The following STK3 variants were observed in gnomAD, a reference collection of about 807,000 sequenced individuals.
The protein encoded by STK3 is serine/threonine kinase 3.
A neutral mutation model predicts 58.0 loss-of-function variants in STK3; 41 were observed. The ratio of observed to expected loss-of-function variants is 0.71; its 90% confidence interval spans 0.55 to 0.92. STK3 has a LOEUF of 0.92. STK3 is among the 40% of genes least tolerant of loss of function. STK3 has a pLI of 0.00. For synonymous variants in STK3, 170 were observed against 191.0 expected (o/e 0.89, Z 0.91); for missense variants, 479 against 602.7 (o/e 0.79, Z 2.15).
rs369290750 is a variant in STK3 at position 98,860,229 on chromosome 8, G to T, written c.110+23418C>A. 4.3e-4 allele frequency among the ~76,000 whole-genome samples: 66 copies of T among 152,304 alleles called. 1 individual carries two copies. The Middle Eastern group carries it at 0.01, about 24-fold the overall frequency. On this transcript the variant is annotated intron_variant, in intron 3 of 12. Coordinates refer to the STK3 transcript ENST00000523601. ...AAAATAGATGTGATAACATGAAATA[G>T]ATAAGTGCTATGAAGAAAACAAAAC...
At chr8:98,359,578 G>A in the STK3 span, among the ~76,000 whole-genome samples, 1 of 151,802 alleles carries the variant, frequency 6.6e-6, no homozygotes, top group Non-Finnish European at 1.5e-5. Flanking sequence ...TTTCTTGAAT[G>A]CTTTCTACCA....
At chr8:98,621,083 C>T (rs559405590) in intron 6 of STK3, among the ~76,000 whole-genome samples, 6 of 152,248 alleles carry the variant, frequency 3.9e-5, no homozygotes, top group African/African-American at 1.4e-4. Flanking sequence ...GCGCCCGCCA[C>T]TACGCCCAGC....
chr8:98,885,474 T>C (rs1028123705), intron 1 of STK3, among the ~76,000 whole-genome samples: 2 of 152,158 alleles, frequency 1.3e-5, no homozygotes, highest in South Asian at 2.1e-4. Context: ...AGTTTCATTC[T>C]TGTTGCCCAG....
Position 98,585,542 on chromosome 8 carries a change from TTTG to T in STK3, c.823-5756_823-5754del, listed in dbSNP as rs1264846498. Among the ~76,000 whole-genome samples, 6 of 149,696 alleles carry T rather than the reference TTTG, an allele frequency of 4.0e-5. No homozygotes were observed. The East Asian group carries it at 1.2e-3, about 29-fold the overall frequency. On this transcript the variant is annotated intron_variant, in intron 7 of 10. Transcript: ENST00000419617. ...AGTCAGGTAGTGTGATGCCTCCAGCTTTGTTCTTTTGGCTTAGGATTGACTTGG... is the reference window on the plus strand; with the variant it reads ...AGTCAGGTAGTGTGATGCCTCCAGCTTTCTTTTGGCTTAGGATTGACTTGG...
Position 98,767,233 on chromosome 8 carries a change from C to T in STK3, c.236+10G>A, listed in dbSNP as rs760192912. On this transcript the variant is annotated intron_variant, in intron 3 of 10. Coordinates refer to ENST00000419617, the MANE Select transcript of STK3 (RefSeq NM_006281.4). ...ACAAGGGTAAGCAAAGAAATAAAAT[C>T]TCTTCATACCTGTCACATTGCTGCA... is the stretch of plus-strand genomic sequence containing the variant. 1.9e-6 allele frequency: 3 copies of T among 1,573,878 alleles called. No individual in the cohort carries two copies. The highest frequency in any genetic ancestry group is 2.6e-6 in the Non-Finnish European group (3 of 1,165,664).
chr8:98,738,099 T>C (rs1189787023), intron 4 of STK3, among the ~76,000 whole-genome samples: 1 of 152,196 alleles, frequency 6.6e-6, no homozygotes, highest in Non-Finnish European at 1.5e-5. Flanking sequence ...CATTGGAAAA[T>C]ATTAGTTAAC....
chr8:98,682,773 C>G (rs541092792), intron 6 of STK3, among the ~76,000 whole-genome samples: 41 of 152,122 alleles, frequency 2.7e-4, no homozygotes, highest in African/African-American at 9.9e-4. Flanking sequence ...AAAATTTAAA[C>G]CTGATAGAGA....
At chr8:98,769,885 A>G (rs1831186923) in intron 2 of STK3, among the ~76,000 whole-genome samples, 1 of 152,236 alleles carries the variant, frequency 6.6e-6, no homozygotes, top group African/African-American at 2.4e-5. Flanking sequence ...AAAACTTCTG[A>G]ATTTCTTAAT....
chr8:98,674,218 A>C (rs1023360756), intron 6 of STK3, among the ~76,000 whole-genome samples: 1 of 152,198 alleles, frequency 6.6e-6, no homozygotes, highest in African/African-American at 2.4e-5. Flanking sequence ...TGCATGAAGA[A>C]AATATACACA....
rs1825216191 is a variant in STK3 at position 98,519,794 on chromosome 8, A to C, written c.1317+6948T>G. 1.3e-5 allele frequency among the ~76,000 whole-genome samples: 2 copies of C among 152,252 alleles called. 1 individual carries two copies. Among genetic ancestry groups the C allele is most frequent in the Middle Eastern group, 6.8e-3 (2 of 294 alleles). On this transcript the variant is annotated intron_variant, in intron 10 of 10. Transcript: ENST00000419617. ...TTCTTGTGTCCCTTAGCTCAAAAGA[A>C]CACCACCAACTGAATAAATATTTAA...
At chr8:98,530,255 T>C (rs1826069373) in intron 9 of STK3, among the ~76,000 whole-genome samples, 2 of 152,162 alleles carry the variant, frequency 1.3e-5, no homozygotes, top group South Asian at 4.1e-4. Context: ...GATTATTTCA[T>C]CACCCACGTA....
chr8:98,811,017 C>A (rs1834185730), intron 1 of STK3, among the ~76,000 whole-genome samples: 1 of 152,212 alleles, frequency 6.6e-6, no homozygotes, highest in Non-Finnish European at 1.5e-5. Flanking sequence ...ATGCTGCTGC[C>A]ATGCTTGTAC....
chr8:98,666,914 T>C (rs1397967938), intron 6 of STK3, among the ~76,000 whole-genome samples: 1 of 152,158 alleles, frequency 6.6e-6, no homozygotes, highest in Non-Finnish European at 1.5e-5. Flanking sequence ...CACAGGAGTC[T>C]CAACAGTGTA....
downstream of STK3, among the ~76,000 whole-genome samples, chr8:98,452,381 C>G (rs1819237964): frequency 6.6e-6 from 1 of 152,190 alleles, no homozygotes; most frequent in Admixed American, 6.5e-5. Context: ...ACTTTCTTCT[C>G]CAATTTGTAT....
chr8:98,707,251 G>A lies in STK3; in HGVS notation c.412C>T (p.His138Tyr), dbSNP rs774457582. The A allele has an allele frequency of 3.1e-6, 5 of 1,599,532 alleles. No homozygotes were observed. The highest frequency in any genetic ancestry group is 2.7e-5 in the African/African-American group (2 of 74,704). Residue 138 changes from histidine (H) to tyrosine (Y), a missense_variant, in exon 5 of 11, where the codon CAC becomes TAC. Physicochemically the swap from His to Tyr is moderately conservative, Grantham distance 83 (BLOSUM62 2). Around this residue, in one of 3 missense-constraint regions of STK3, gnomAD observed 126 missense variants for 210.1 expected, o/e 0.60. Coordinates refer to ENST00000419617, the MANE Select transcript of STK3 (RefSeq NM_006281.4). Reference sequence around the variant, plus strand: ...TCTCTGTGTATTTTTCTCATAAAGTGCAAATATTCTAGTCCTTTCAATGTA... The same window carrying A: ...TCTCTGTGTATTTTTCTCATAAAGTACAAATATTCTAGTCCTTTCAATGTA... ...KSTLKGLEYL[H>Y]FMRKIHRDIK...
rs1409732648 is a variant in STK3 at position 98,777,976 on chromosome 8, C to T, written c.27-3157G>A. Among the ~76,000 whole-genome samples the T allele has an allele frequency of 2.0e-5, 3 of 152,168 alleles. No individual in the cohort carries two copies. The East Asian group carries it at 5.8e-4, about 29-fold the overall frequency. ...TTCAGGACATAGGCATGGGTAAGGACTTCATGTCTAAAACACTAAAAGCAA... is the reference window on the plus strand; with the variant it reads ...TTCAGGACATAGGCATGGGTAAGGATTTCATGTCTAAAACACTAAAAGCAA... On this transcript the variant is annotated intron_variant, in intron 1 of 10. Transcript: ENST00000419617.
intron 9 of STK3, among the ~76,000 whole-genome samples, chr8:98,536,230 A>G (rs1809756780): frequency 2.0e-5 from 3 of 152,158 alleles, no homozygotes; most frequent in Admixed American, 2.0e-4. Context: ...ACTAGGGGTG[A>G]GAAAGTATCT....
In STK3 at chr8:98,702,380, A is replaced by C. The variant is rs1825690294; in HGVS notation, c.684+4087T>G. ...TCCAATTTAACCACTTTCATTTTCTAATTTAGTGCCATCTTTAAGTTCTTC... is the reference window on the plus strand; with the variant it reads ...TCCAATTTAACCACTTTCATTTTCTCATTTAGTGCCATCTTTAAGTTCTTC... On this transcript the variant is annotated intron_variant, in intron 6 of 10. Coordinates refer to ENST00000419617, the MANE Select transcript of STK3 (RefSeq NM_006281.4). Among the ~76,000 whole-genome samples the C allele has an allele frequency of 2.0e-5, 3 of 152,238 alleles. No individual in the cohort carries two copies. In the South Asian group the frequency reaches 6.2e-4, roughly 31 times the overall value.
intron 3 of STK3, chr8:98,427,854 C>T (rs1040532184): frequency 1.2e-5 from 9 of 759,936 alleles, no homozygotes; most frequent in Admixed American, 5.9e-5. Flanking sequence ...ACCAGGAGGC[C>T]TGGGCCCGCC....
Sources: gnomAD v4.1 joint callset for allele counts (sites outside exome capture counted in the v4.1 genomes callset) on GRCh38, gnomAD v4.1.1 for gene constraint, gnomAD v4.1.1 regional missense constraint, MANE v1.5 for transcripts, NCBI Gene and HGNC (gene_info 2026-07-23, HGNC 2026-07-21) for gene names.